IP6K1: variants seen among roughly 807,000 people sequenced by gnomAD.
IP6K1 encodes the protein ATP:1D-myo-inositol-hexakisphosphate phosphotransferase.
A neutral mutation model predicts 38.3 loss-of-function variants in IP6K1; 13 were observed. The ratio of observed to expected loss-of-function variants is 0.34; its 90% CI spans 0.22 to 0.54. The LOEUF (loss-of-function observed/expected upper bound fraction) is 0.54, where lower values mean the gene tolerates loss of function less well. IP6K1 is among the 20% of genes least tolerant of loss of function. The pLI is 0.92. For synonymous variants in IP6K1, 212 were observed against 229.9 expected, an observed-to-expected ratio of 0.92 and a Z score of 0.70; for missense variants, 397 against 599.8, an observed-to-expected ratio of 0.66 and a Z score of 3.53.
rs1440066811 is a variant in IP6K1, at chr3:49,746,600, G to A, written c.223+1218C>T. 2.7e-5 allele frequency among the ~76,000 whole-genome samples: 4 copies of A among 147,616 alleles called. No homozygotes were observed. The Admixed American group carries it at 2.8e-4, about 10-fold the overall frequency. The stretch of plus-strand genomic sequence containing the variant: ...CAGGAGAATCGCTTCGCTTGAACCC[G>A]GGAGTTGGAGGTTGCAGTAAACCAA... On this transcript the variant is annotated intron_variant, in intron 2 of 5. Transcript: ENST00000321599.
At chr3:49,750,562 T>C (rs2080764083) in intron 1 of IP6K1, among the ~76,000 whole-genome samples, 1 of 152,114 alleles carries the variant, frequency 6.6e-6, no homozygotes. Flanking sequence ...TAGCTGGGCA[T>C]GGTGGCACAT....
chr3:49,751,613 C>CA (rs2080778269), intron 1 of IP6K1, among the ~76,000 whole-genome samples: 1 of 152,180 alleles, frequency 6.6e-6, no homozygotes, highest in African/African-American at 2.4e-5. Flanking sequence ...AATAGAGCCC[C>CA]AATCTTATTC....
chr3:49,750,993 C>T (rs1419290244), intron 1 of IP6K1, among the ~76,000 whole-genome samples: 1 of 152,174 alleles, frequency 6.6e-6, no homozygotes, highest in African/African-American at 2.4e-5. Context: ...CTCTGTGAAG[C>T]CTTGCTTTAC....
At chr3:49,736,532 T>C (rs1026414408) in intron 3 of IP6K1, among the ~76,000 whole-genome samples, 10 of 152,158 alleles carry the variant, frequency 6.6e-5, no homozygotes, top group African/African-American at 2.4e-4. Flanking sequence ...TTCATCCATG[T>C]TGTAGCATGT....
At chr3:49,731,906 G>GAAAAAAA (rs2080566085) in intron 4 of IP6K1, among the ~76,000 whole-genome samples, 1 of 66,824 alleles carries the variant, frequency 1.5e-5, no homozygotes, top group Non-Finnish European at 3.3e-5. Flanking sequence ...AAAAAAAAAA[G>GAAAAAAA]GAATTCCTAT....
intron 1 of IP6K1, among the ~76,000 whole-genome samples, chr3:49,773,538 G>T (rs917978612): frequency 2.6e-5 from 4 of 152,192 alleles, no homozygotes; most frequent in Non-Finnish European, 5.9e-5. Context: ...ATGACCCTGG[G>T]AGGCGGAGCC....
At chr3:49,739,216 A>G (rs965490296) in intron 2 of IP6K1, among the ~76,000 whole-genome samples, 1 of 152,210 alleles carries the variant, frequency 6.6e-6, no homozygotes, top group Non-Finnish European at 1.5e-5. Context: ...TTCTGCTTTT[A>G]TACTCTCAGA....
At chr3:49,731,463 TGGA>T (rs747011474) in intron 4 of IP6K1, among the ~76,000 whole-genome samples, 1 of 152,168 alleles carries the variant, frequency 6.6e-6, no homozygotes, top group African/African-American at 2.4e-5. Flanking sequence ...TGGTAAAATA[TGGA>T]GGAGGCTGCA....
Position 49,727,639 on chromosome 3 carries a change from G to T in IP6K1, c.809C>A (p.Thr270Lys). ...VCGMQVYQLDTGHYLCRNKYY... is the reference protein window; with the variant it reads ...VCGMQVYQLDKGHYLCRNKYY... ...CTTGTTCCTGCAGAGGTAATGCCCT[G>T]TGTCCAGCTGGTACACCTGAAACCC... Residue 270 changes from threonine (T) to lysine (K), a missense_variant, in exon 6 of 6, where the codon ACA becomes AAA. By Grantham distance (78) the Thr-to-Lys change is moderately conservative. Around this residue, in one of 3 missense-constraint regions of IP6K1, gnomAD observed 62 missense variants for 149.2 expected, o/e 0.42. Coordinates refer to ENST00000321599, the MANE Select transcript of IP6K1 (RefSeq NM_153273.4). The surrounding 1 kb of genome is among the most constrained non-coding windows in gnomAD (Gnocchi z 5.9). 1.2e-6 allele frequency: 2 copies of T among 1,613,626 alleles called. No individual in the cohort carries two copies. Among genetic ancestry groups the T allele is most frequent in the Non-Finnish European group, 1.7e-6 (2 of 1,179,598 alleles).
chr3:49,781,220 CCTGA>C (rs920349789), intron 1 of IP6K1, among the ~76,000 whole-genome samples: 6 of 152,064 alleles, frequency 3.9e-5, no homozygotes, highest in African/African-American at 4.8e-5. Flanking sequence ...CGCCACCACG[CCTGA>C]CTAATTTTTT....
chr3:49,732,993 C>G, intron 3 of IP6K1, 21 bp from the exon 4 acceptor site: 1 of 1,595,212 alleles, frequency 6.3e-7, no homozygotes. Flanking sequence ...AGAACATACA[C>G]ATCACTAAGA....
chr3:49,745,094 CA>C (rs1035517457), intron 2 of IP6K1, among the ~76,000 whole-genome samples: 10 of 138,828 alleles, frequency 7.2e-5, no homozygotes, highest in African/African-American at 1.1e-4. Context: ...GTGTAAAAGA[CA>C]AAAAAAAAAG....
chr3:49,743,881 A>G (rs2080696851), intron 2 of IP6K1, among the ~76,000 whole-genome samples: 1 of 151,390 alleles, frequency 6.6e-6, no homozygotes, highest in Non-Finnish European at 1.5e-5. Context: ...CGGCCTCCCA[A>G]AGTGCTAGGA....
chr3:49,770,967 A>T (rs1173974524), intron 1 of IP6K1, among the ~76,000 whole-genome samples: 2 of 151,866 alleles, frequency 1.3e-5, no homozygotes, highest in Non-Finnish European at 2.9e-5. Context: ...TTTAAAAAGA[A>T]AATAAGCTGG....
chr3:49,763,338 C>CTCG (rs912391222), intron 1 of IP6K1, among the ~76,000 whole-genome samples: 1 of 151,740 alleles, frequency 6.6e-6, no homozygotes, highest in Non-Finnish European at 1.5e-5. Context: ...ATCTCCTGAC[C>CTCG]TCGTGATCCA....
At chr3:49,779,477 T>G (rs552793312) in intron 1 of IP6K1, among the ~76,000 whole-genome samples, 1 of 152,198 alleles carries the variant, frequency 6.6e-6, no homozygotes, top group Non-Finnish European at 1.5e-5. Flanking sequence ...CTTGGGTAGA[T>G]AGCCAGGAGG....
At chr3:49,729,130 A>G (rs2080540977) in intron 4 of IP6K1, among the ~76,000 whole-genome samples, 1 of 152,064 alleles carries the variant, frequency 6.6e-6, no homozygotes, top group East Asian at 1.9e-4. Flanking sequence ...AGCCCCTGGG[A>G]ACCTCTAGTC....
intron 2 of IP6K1, among the ~76,000 whole-genome samples, chr3:49,742,375 C>T (rs1405808897): frequency 2.6e-5 from 4 of 152,048 alleles, no homozygotes; most frequent in African/African-American, 9.7e-5. Flanking sequence ...CGGTGAAACC[C>T]TGTCTCTACT....
intron 1 of IP6K1, among the ~76,000 whole-genome samples, chr3:49,769,970 T>G (rs751198407): frequency 6.6e-6 from 1 of 152,124 alleles, no homozygotes; most frequent in East Asian, 1.9e-4. Flanking sequence ...TCCCAACACT[T>G]TGGGAGGCCA....
Sources: allele counts gnomAD v4.1 joint callset (sites outside exome capture counted in the v4.1 genomes callset), GRCh38; gene constraint gnomAD v4.1.1; regional missense constraint gnomAD v4.1.1; non-coding constraint Gnocchi (gnomAD v3.1); transcripts MANE v1.5; gene names NCBI Gene and HGNC (gene_info 2026-07-23, HGNC 2026-07-21).